TMEM117: variants seen among roughly 807,000 people sequenced by gnomAD.
TMEM117 encodes the protein transmembrane protein 117.
In TMEM117, 27 loss-of-function variants were observed where a neutral mutation model predicts 52.4. The ratio of observed to expected loss-of-function variants is 0.51; its 90% CI spans 0.38 to 0.71. TMEM117 has a LOEUF of 0.71. Among genes scored for constraint, TMEM117 ranks in the 30% least tolerant of loss-of-function variants. The pLI, the probability that TMEM117 is intolerant of heterozygous loss-of-function variation, is 0.00. For missense variants in TMEM117, 556 were observed against 630.5 expected (o/e 0.88, Z 1.26); for synonymous variants, 215 against 206.3 (o/e 1.04, Z -0.36).
At position 43,985,274 on chromosome 12, in the gene TMEM117, C is replaced by A. The variant is rs949884824; in HGVS notation, c.410+40932C>A. 2.6e-5 allele frequency among the ~76,000 whole-genome samples: 4 copies of A among 151,984 alleles called. No individual in the cohort carries two copies. The East Asian group carries it at 7.7e-4, about 29-fold the overall frequency. ...TTTATTGCAAGAAAAACAGCAGGATCCTGCCAAAGCCCAAAAGCCAGTAAA... is the reference window on the plus strand; with the variant it reads ...TTTATTGCAAGAAAAACAGCAGGATACTGCCAAAGCCCAAAAGCCAGTAAA... On this transcript the variant is annotated intron_variant, in intron 3 of 7. Coordinates refer to ENST00000266534, the MANE Select transcript of TMEM117 (RefSeq NM_032256.3).
At chr12:43,841,220 A>G (rs1019792118) in intron 1 of TMEM117, among the ~76,000 whole-genome samples, 6 of 152,208 alleles carry the variant, frequency 3.9e-5, no homozygotes, top group Non-Finnish European at 8.8e-5. Flanking sequence ...TGTTAGTGGA[A>G]ATAAAGAATG....
chr12:44,006,729 A>G (rs1381153424), intron 3 of TMEM117, among the ~76,000 whole-genome samples: 1 of 152,184 alleles, frequency 6.6e-6, no homozygotes, highest in Non-Finnish European at 1.5e-5. Context: ...AAGATATCTC[A>G]TAGCTCCACT....
intron 3 of TMEM117, among the ~76,000 whole-genome samples, chr12:43,955,941 G>A (rs1412503591): frequency 1.3e-5 from 2 of 152,104 alleles, no homozygotes; most frequent in African/African-American, 4.8e-5. Flanking sequence ...TACGAAAATA[G>A]GCACGTAGAC....
At chr12:43,998,629 CAT>C (rs978628843) in intron 3 of TMEM117, among the ~76,000 whole-genome samples, 2 of 152,050 alleles carry the variant, frequency 1.3e-5, no homozygotes, top group African/African-American at 4.8e-5. Flanking sequence ...AAAATTAAAA[CAT>C]AGGAAATTAT....
intron 3 of TMEM117, among the ~76,000 whole-genome samples, chr12:44,089,071 GCT>G (rs759769784): frequency 8.5e-5 from 13 of 152,256 alleles, no homozygotes; most frequent in Non-Finnish European, 1.8e-4. Context: ...GCTGCTCAGG[GCT>G]TTGATACTTC....
At chr12:44,145,352 A>C (rs996598770) in intron 4 of TMEM117, among the ~76,000 whole-genome samples, 2 of 152,124 alleles carry the variant, frequency 1.3e-5, no homozygotes, top group Non-Finnish European at 2.9e-5. Flanking sequence ...AAAGATAACT[A>C]GATTAAGAGT....
At chr12:43,800,907 C>T in the TMEM117 span, among the ~76,000 whole-genome samples, 1 of 152,082 alleles carries the variant, frequency 6.6e-6, no homozygotes, top group Non-Finnish European at 1.5e-5. Context: ...TGCGCCACCA[C>T]ACTTGGCTAA....
At chr12:43,999,538 G>GTTA (rs1215182310) in intron 3 of TMEM117, among the ~76,000 whole-genome samples, 1 of 152,170 alleles carries the variant, frequency 6.6e-6, no homozygotes, top group African/African-American at 2.4e-5. Context: ...GGAGTGCAGT[G>GTTA]TTACAGTCTT....
chr12:43,970,486 C>T (rs544812391), intron 3 of TMEM117, among the ~76,000 whole-genome samples: 30 of 152,080 alleles, frequency 2.0e-4, no homozygotes, highest in Non-Finnish European at 3.2e-4. Flanking sequence ...GACAGGGTTT[C>T]GCCATGTTAA....
chr12:43,931,187 C>T (rs567135334), intron 2 of TMEM117, among the ~76,000 whole-genome samples: 1 of 152,264 alleles, frequency 6.6e-6, no homozygotes, highest in African/African-American at 2.4e-5. Context: ...CATTTATTTG[C>T]CATCAGGTAG....
chr12:44,038,510 C>A (rs903804822), intron 3 of TMEM117, among the ~76,000 whole-genome samples: 1 of 152,212 alleles, frequency 6.6e-6, no homozygotes, highest in South Asian at 2.1e-4. Flanking sequence ...TGCTCACACA[C>A]CCCTCACCAC....
chr12:44,262,127 G>A (rs1950327457), intron 5 of TMEM117, among the ~76,000 whole-genome samples: 3 of 152,126 alleles, frequency 2.0e-5, no homozygotes, highest in African/African-American at 7.2e-5. Flanking sequence ...AGTAAGTCCT[G>A]CCTTTAAAAT....
chr12:43,904,603 G>A (rs1944354862), intron 2 of TMEM117, among the ~76,000 whole-genome samples: 1 of 151,836 alleles, frequency 6.6e-6, no homozygotes, highest in South Asian at 2.1e-4. Flanking sequence ...CCCTGCCTCA[G>A]TGACTCCTTT....
At chr12:44,243,495 A>ATTTTG (rs1391279547) in intron 5 of TMEM117, among the ~76,000 whole-genome samples, 4 of 152,016 alleles carry the variant, frequency 2.6e-5, no homozygotes, top group Admixed American at 6.6e-5. Flanking sequence ...CTTTTTTAAA[A>ATTTTG]TTTAATTGAC....
chr12:44,344,072 G>T (rs2138759249), intron 6 of TMEM117, among the ~76,000 whole-genome samples: 1 of 152,154 alleles, frequency 6.6e-6, no homozygotes, highest in Admixed American at 6.5e-5. Flanking sequence ...TATCAAAGCT[G>T]GTCTTAAATT....
intron 6 of TMEM117, among the ~76,000 whole-genome samples, chr12:44,343,953 C>G (rs1951450358): frequency 6.6e-6 from 1 of 152,008 alleles, no homozygotes; most frequent in Admixed American, 6.6e-5. Context: ...TTGCTCATGG[C>G]AAGGAGCCAG....
chr12:44,196,810 C>T (rs1252601044), intron 4 of TMEM117, among the ~76,000 whole-genome samples: 2 of 152,178 alleles, frequency 1.3e-5, no homozygotes, highest in Admixed American at 6.5e-5. Context: ...AGTGCTTACT[C>T]AAACTTACAA....
intron 3 of TMEM117, among the ~76,000 whole-genome samples, chr12:43,948,120 G>A (rs922411028): frequency 2.6e-5 from 4 of 151,936 alleles, no homozygotes; most frequent in African/African-American, 9.7e-5. Context: ...GACATCTCTG[G>A]GGAGCCAAGC....
chr12:43,888,659 T>C (rs1490439833), intron 2 of TMEM117, among the ~76,000 whole-genome samples: 1 of 150,152 alleles, frequency 6.7e-6, no homozygotes, highest in African/African-American at 2.5e-5. Flanking sequence ...GCCATTCTCC[T>C]GCCTCAGCCT....
Sources: gnomAD v4.1 joint callset for allele counts (sites outside exome capture counted in the v4.1 genomes callset) on GRCh38, gnomAD v4.1.1 for gene constraint, MANE v1.5 for transcripts, NCBI Gene and HGNC (gene_info 2026-07-23, HGNC 2026-07-21) for gene names.